The following FRMPD4 variants were observed in gnomAD, a reference collection of about 807,000 sequenced individuals.
FRMPD4 encodes the protein FERM and PDZ domain containing 4, also known as FERM and PDZ domain-containing protein 4.
FRMPD4 carries 22 observed loss-of-function variants against 94.1 expected under a neutral mutation model. The ratio of observed to expected loss-of-function variants is 0.23; its 90% CI spans 0.17 to 0.33. FRMPD4 has a LOEUF of 0.33. Among genes scored for constraint, FRMPD4 ranks in the 10% least tolerant of loss-of-function variants. The pLI is 1.00. For synonymous variants in FRMPD4, 631 were observed against 548.6 expected, an observed-to-expected ratio of 1.15 and a Z score of -2.10; for missense variants, 1,111 against 1,339.9, an observed-to-expected ratio of 0.83 and a Z score of 2.67.
intron 4 of FRMPD4, among the ~76,000 whole-genome samples, chrX:12,643,921 T>C (rs982971751): frequency 8.9e-6 from 1 of 112,512 alleles, no homozygotes; most frequent in Admixed American, 9.4e-5. Context: ...CTAAATTTTT[T>C]CACTGCCAAT....
chrX:11,931,876 A>G (rs779358507), intron 3 of FRMPD4, among the ~76,000 whole-genome samples: 14 of 112,449 alleles, frequency 1.2e-4, no homozygotes, highest in African/African-American at 4.5e-4. Context: ...ACATGAATGT[A>G]TATATGCAAA....
intron 2 of FRMPD4, among the ~76,000 whole-genome samples, chrX:12,551,925 C>A (rs956643579): frequency 9.9e-5 from 11 of 111,325 alleles, no homozygotes; most frequent in Non-Finnish European, 1.9e-5. Flanking sequence ...TGAAAAACTC[C>A]CCCTCATCAA....
At chrX:11,847,143 G>A (rs1470875807) in intron 1 of FRMPD4, among the ~76,000 whole-genome samples, 1 of 111,165 alleles carries the variant, frequency 9.0e-6, no homozygotes, top group Non-Finnish European at 1.9e-5. Context: ...GTGACAAAGG[G>A]CTAATATCCA....
chrX:11,854,730 G>A (rs2053644377), intron 1 of FRMPD4, among the ~76,000 whole-genome samples: 1 of 112,712 alleles, frequency 8.9e-6, no homozygotes, highest in African/African-American at 3.2e-5. Flanking sequence ...ATGGCATGGG[G>A]CAGCTCCACC....
intron 3 of FRMPD4, among the ~76,000 whole-genome samples, chrX:12,133,197 T>C (rs1312069120): frequency 9.6e-6 from 1 of 103,918 alleles, no homozygotes; most frequent in East Asian, 3.1e-4. Context: ...AAAACCCTTC[T>C]GGTTTCTAAA....
At chrX:11,951,565 G>T (rs912608829) in intron 3 of FRMPD4, among the ~76,000 whole-genome samples, 3 of 111,516 alleles carry the variant, frequency 2.7e-5, no homozygotes, top group African/African-American at 9.8e-5. Flanking sequence ...CACATAGAGG[G>T]GAACAACAGA....
chrX:12,644,450 C>T (rs780071046), intron 4 of FRMPD4, among the ~76,000 whole-genome samples: 1 of 111,536 alleles, frequency 9.0e-6, no homozygotes, highest in East Asian at 2.8e-4. Context: ...CATTTTGTCT[C>T]GGGCAGCTGT....
In FRMPD4 at chrX:12,498,008, T is replaced by A. The variant is rs756148160; in HGVS notation, c.42-672T>A. Among the ~76,000 whole-genome samples, 585 of 110,913 alleles carry A rather than the reference T, an allele frequency of 5.3e-3. 1 individual carries two copies. The highest frequency in any genetic ancestry group is 0.018 in the African/African-American group (563 of 30,473). Reference sequence around the variant, plus strand: ...TGGGGGAAGGGTGCCTGCTCTGCAGTCATCTGACTGCAGGGGGTGCTGTTT... The same window carrying A: ...TGGGGGAAGGGTGCCTGCTCTGCAGACATCTGACTGCAGGGGGTGCTGTTT... On this transcript the variant is annotated intron_variant, in intron 1 of 16. Transcript: ENST00000675598.
At chrX:12,213,667 G>A (rs993534111) in intron 1 of FRMPD4, among the ~76,000 whole-genome samples, 1 of 111,945 alleles carries the variant, frequency 8.9e-6, no homozygotes, top group African/African-American at 3.2e-5. Flanking sequence ...TTGAAAAATA[G>A]CTTGCCTCTC....
intron 3 of FRMPD4, among the ~76,000 whole-genome samples, chrX:11,881,289 C>T (rs980245698): frequency 2.2e-4 from 25 of 112,150 alleles, no homozygotes; most frequent in African/African-American, 8.1e-4. Flanking sequence ...CTCATATAAT[C>T]CCACCCCGGG....
chrX:12,433,274 C>A (rs1601938448), intron 1 of FRMPD4, among the ~76,000 whole-genome samples: 1 of 112,295 alleles, frequency 8.9e-6, no homozygotes, highest in East Asian at 2.8e-4. Flanking sequence ...GCTATAAATA[C>A]AGCCTGGAGA....
At chrX:12,059,759 G>A (rs916320723) in intron 3 of FRMPD4, among the ~76,000 whole-genome samples, 5 of 111,267 alleles carry the variant, frequency 4.5e-5, no homozygotes, top group African/African-American at 1.3e-4. Flanking sequence ...GCCTCCAGCT[G>A]CATCCATGTT....
intron 1 of FRMPD4, among the ~76,000 whole-genome samples, chrX:12,406,864 T>C (rs1317344348): frequency 8.9e-6 from 1 of 112,104 alleles, no homozygotes; most frequent in African/African-American, 3.2e-5. Context: ...ATGACAGGAA[T>C]TTATTGTCTT....
At chrX:11,856,138 T>A (rs910161456) in intron 1 of FRMPD4, among the ~76,000 whole-genome samples, 1 of 111,470 alleles carries the variant, frequency 9.0e-6, no homozygotes, top group African/African-American at 3.3e-5. Flanking sequence ...TCAGATCTCA[T>A]GAGAACTAAT....
intron 3 of FRMPD4, among the ~76,000 whole-genome samples, chrX:11,893,481 G>A (rs908759171): frequency 8.9e-6 from 1 of 111,769 alleles, no homozygotes; most frequent in Non-Finnish European, 1.9e-5. Flanking sequence ...TGACATTTTG[G>A]TGACTAATAA....
intron 3 of FRMPD4, among the ~76,000 whole-genome samples, chrX:11,882,586 A>C (rs1207555491): frequency 8.9e-6 from 1 of 111,951 alleles, no homozygotes; most frequent in Non-Finnish European, 1.9e-5. Flanking sequence ...TGTTTCATGC[A>C]CAAAATTATT....
chrX:12,467,368 T>C (rs1159260729), intron 1 of FRMPD4, among the ~76,000 whole-genome samples: 1 of 111,826 alleles, frequency 8.9e-6, no homozygotes, highest in Non-Finnish European at 1.9e-5. Flanking sequence ...CTCCTCAAGA[T>C]GAAAGGCTCA....
At chrX:12,039,779 G>A (rs6639132) in intron 3 of FRMPD4, among the ~76,000 whole-genome samples, 6,591 of 108,860 alleles carry the variant, frequency 0.061, 243 homozygotes, top group East Asian at 0.23. Flanking sequence ...AGACCAGCCT[G>A]ACCAACGTGG....
intron 3 of FRMPD4, among the ~76,000 whole-genome samples, chrX:12,125,696 TC>T (rs1224391766): frequency 3.6e-5 from 4 of 112,151 alleles, no homozygotes; most frequent in Non-Finnish European, 5.6e-5. Context: ...TCCTTTGGTT[TC>T]TTCAGAGTGG....
Sources: allele counts gnomAD v4.1 joint callset (sites outside exome capture counted in the v4.1 genomes callset), GRCh38; gene constraint gnomAD v4.1.1; transcripts MANE v1.5; gene names NCBI Gene and HGNC (gene_info 2026-07-23, HGNC 2026-07-21).